The following ABCD3 variants were observed in gnomAD, a reference collection of about 807,000 sequenced individuals.
ABCD3 encodes ATP-binding cassette sub-family D member 3.
ABCD3 carries 41 observed loss-of-function variants against 105.5 expected under a neutral mutation model. The ratio of observed to expected loss-of-function variants is 0.39; its 90% confidence interval spans 0.30 to 0.50. The LOEUF is 0.50. ABCD3 is among the 20% of genes least tolerant of loss of function. ABCD3 has a pLI of 0.84. For missense variants in ABCD3, 622 were observed against 806.3 expected (o/e 0.77, Z 2.77); for synonymous variants, 258 against 269.0 (o/e 0.96, Z 0.40).
intron 1 of ABCD3, among the ~76,000 whole-genome samples, chr1:94,438,780 T>A (rs79221073): frequency 6.7e-6 from 1 of 149,458 alleles, no homozygotes; most frequent in Admixed American, 6.7e-5. Context: ...TGTCCATTGA[T>A]TTTTTTTTTA....
intron 7 of ABCD3, 60 bp downstream of exon 7, chr1:94,475,797 C>A: frequency 1.4e-6 from 2 of 1,381,376 alleles, no homozygotes; most frequent in South Asian, 1.2e-5. Flanking sequence ...TGAATCTAAG[C>A]AAATTTATAT....
At chr1:94,475,523 T>C (rs898217045) in intron 6 of ABCD3, 91 bp from the exon 7 acceptor site, 1 of 1,368,732 alleles carries the variant, frequency 7.3e-7, no homozygotes, top group Non-Finnish European at 1.0e-6. Context: ...TTTCTATGTA[T>C]TTGAGCTAGG....
the ABCD3 span, among the ~76,000 whole-genome samples, chr1:94,402,717 C>A: frequency 6.6e-6 from 1 of 152,124 alleles, no homozygotes; most frequent in Non-Finnish European, 1.5e-5. Context: ...CTTCTTTAGC[C>A]TCCTTTAATC....
intron 1 of ABCD3, among the ~76,000 whole-genome samples, chr1:94,429,658 G>T (rs1262203225): frequency 2.0e-5 from 3 of 152,234 alleles, no homozygotes; most frequent in African/African-American, 7.2e-5. Flanking sequence ...TTGAGCCTGC[G>T]AGTGCACAGA....
At chr1:94,487,312 A>G (rs915337392) in intron 10 of ABCD3, among the ~76,000 whole-genome samples, 12 of 152,168 alleles carry the variant, frequency 7.9e-5, no homozygotes, top group Non-Finnish European at 1.8e-4. Context: ...TGTAATTTCC[A>G]TGCTGTTTGC....
chr1:94,470,611 CTT>C (rs897951033), intron 4 of ABCD3, among the ~76,000 whole-genome samples: 1 of 151,384 alleles, frequency 6.6e-6, no homozygotes, highest in African/African-American at 2.4e-5. Context: ...TAGGTGAACT[CTT>C]TTTCCATCTA....
At position 94,483,240 on chromosome 1, in the gene ABCD3, G is replaced by C; in HGVS notation, c.897+1G>C. 1 of 1,611,612 alleles carries C rather than the reference G, an allele frequency of 6.2e-7. No individual in the cohort carries two copies. Among genetic ancestry groups the C allele is most frequent in the Non-Finnish European group, 8.5e-7 (1 of 1,177,930 alleles). On this transcript the variant is annotated splice_donor_variant, in intron 10 of 22. Transcript: ENST00000370214. LOFTEE classifies it high-confidence loss of function. ...AGTCCACTCAGTCTTCCGAAAACTG[G>C]TAAGATAACACACTTGAGGTTCATG...
At chr1:94,427,210 T>A (rs1659502921) in intron 1 of ABCD3, among the ~76,000 whole-genome samples, 1 of 152,164 alleles carries the variant, frequency 6.6e-6, no homozygotes, top group Non-Finnish European at 1.5e-5. Context: ...CTGCTGGAGC[T>A]GGTGTGGGGA....
At chr1:94,450,102 A>G (rs537354951) in intron 1 of ABCD3, among the ~76,000 whole-genome samples, 45 of 152,354 alleles carry the variant, frequency 3.0e-4, no homozygotes, top group African/African-American at 1.1e-3. Flanking sequence ...AAGGAGCTGC[A>G]GACAGATTAG....
At chr1:94,405,551 G>A in the ABCD3 span, among the ~76,000 whole-genome samples, 51 of 152,220 alleles carry the variant, frequency 3.4e-4, no homozygotes, top group African/African-American at 1.2e-3. Flanking sequence ...TGATCCACCT[G>A]CCTCGGCCTC....
chr1:94,403,305 G>A, the ABCD3 span, among the ~76,000 whole-genome samples: 2 of 152,068 alleles, frequency 1.3e-5, no homozygotes, highest in Admixed American at 6.5e-5. Flanking sequence ...TCCTACATTG[G>A]TGATGTTAAT....
chr1:94,435,492 A>C (rs562637882), intron 1 of ABCD3, among the ~76,000 whole-genome samples: 3 of 152,312 alleles, frequency 2.0e-5, no homozygotes, highest in African/African-American at 7.2e-5. Context: ...TGATGGCACC[A>C]TGCATTCCAG....
intron 2 of ABCD3, among the ~76,000 whole-genome samples, chr1:94,462,225 G>A (rs1164348319): frequency 6.6e-6 from 1 of 152,156 alleles, no homozygotes; most frequent in Non-Finnish European, 1.5e-5. Flanking sequence ...GGGAAGTTTA[G>A]AAGTGGGAAA....
At chr1:94,439,743 T>C (rs1324530811) in intron 1 of ABCD3, among the ~76,000 whole-genome samples, 1 of 152,248 alleles carries the variant, frequency 6.6e-6, no homozygotes, top group Non-Finnish European at 1.5e-5. Flanking sequence ...GTACTTTTTA[T>C]GGTTTCATAT....
At chr1:94,512,316 T>C (rs1379625544) in intron 21 of ABCD3, among the ~76,000 whole-genome samples, 1 of 151,956 alleles carries the variant, frequency 6.6e-6, no homozygotes, top group Non-Finnish European at 1.5e-5. Context: ...AGATATCTCA[T>C]TGATATATAA....
the ABCD3 span, chr1:94,406,429 G>A: frequency 8.0e-6 from 3 of 375,238 alleles, no homozygotes; most frequent in South Asian, 5.2e-5. Flanking sequence ...GGTTACAGCA[G>A]CTCAGGTTCC....
At position 94,475,615 on chromosome 1, in the gene ABCD3, G is replaced by A. The variant is rs1256593637; in HGVS notation, c.505G>A (p.Ala169Thr). The A allele has an allele frequency of 3.1e-6, 5 of 1,610,992 alleles. No homozygotes were observed. In the South Asian group the frequency reaches 5.5e-5, roughly 18 times the overall value. The change falls in exon 7 of 23, where the codon GCT (alanine) becomes ACT (threonine). Residue 169 changes from alanine to threonine, a missense_variant and splice_region_variant. Coordinates refer to ENST00000370214, the MANE Select transcript of ABCD3 (RefSeq NM_002858.4). Reference sequence around the variant, plus strand: ...TCACTTTTCTTCTTGCTATTTTAGAGCTTTCACATATTATAAAATGGGGAA... The same window carrying A: ...TCACTTTTCTTCTTGCTATTTTAGAACTTTCACATATTATAAAATGGGGAA... ...TKYLYEEYLQ[A>T]FTYYKMGNLD...
chr1:94,502,917 T>C (rs1482534002), intron 20 of ABCD3, among the ~76,000 whole-genome samples: 5 of 152,326 alleles, frequency 3.3e-5, no homozygotes, highest in Admixed American at 6.5e-5. Context: ...ATGGCTGCAG[T>C]GTGCATATGC....
chr1:94,499,360 C>T, intron 19 of ABCD3, 135 bp from the exon 20 acceptor site: 2 of 1,058,294 alleles, frequency 1.9e-6, no homozygotes, highest in East Asian at 2.6e-5. Flanking sequence ...CCTTGTGCCA[C>T]ATTCTTTTCT....
Sources: allele counts gnomAD v4.1 joint callset (sites outside exome capture counted in the v4.1 genomes callset), GRCh38; gene constraint gnomAD v4.1.1; transcripts MANE v1.5; gene names NCBI Gene and HGNC (gene_info 2026-07-23, HGNC 2026-07-21).